The following RAB6A variants were observed in gnomAD, a reference collection of about 807,000 sequenced individuals.
The protein encoded by RAB6A is RAB6A, member RAS oncogene family.
A neutral mutation model predicts 32.3 loss-of-function variants in RAB6A; 8 were observed. The observed-to-expected ratio is 0.25, with a 90% CI of 0.15 to 0.45. The LOEUF is 0.45. RAB6A is among the 20% of genes least tolerant of loss of function. The pLI is 1.00. For missense variants in RAB6A, 104 were observed against 249.4 expected, an observed-to-expected ratio of 0.42 and a Z score of 3.93; for synonymous variants, 73 against 82.1, an observed-to-expected ratio of 0.89 and a Z score of 0.60.
In RAB6A at chr11:73,760,689, G is replaced by A. The variant is rs544385159; in HGVS notation, c.-54C>T. Reference sequence around the variant, plus strand: ...CAGCCTAGAGACCTCCCGGACCGATGCTGCTCCAGCCAGCTGACGAAAAAG... The same window carrying A: ...CAGCCTAGAGACCTCCCGGACCGATACTGCTCCAGCCAGCTGACGAAAAAG... On this transcript the variant is annotated 5_prime_UTR_variant, in exon 1 of 8. Transcript: ENST00000336083. The A allele has an allele frequency of 2.5e-6, 4 of 1,571,490 alleles. No homozygotes were observed. In the East Asian group the frequency reaches 7.0e-5, roughly 28 times the overall value.
chr11:73,693,527 C>T (rs1386672352), intron 6 of RAB6A, among the ~76,000 whole-genome samples: 1 of 149,860 alleles, frequency 6.7e-6, no homozygotes, highest in Admixed American at 6.7e-5. Flanking sequence ...GAGTTTGAGA[C>T]CAGCCTGGGC....
At chr11:73,695,573 G>T (rs547558583) in intron 6 of RAB6A, among the ~76,000 whole-genome samples, 23 of 151,860 alleles carry the variant, frequency 1.5e-4, no homozygotes, top group Non-Finnish European at 3.2e-4. Context: ...GTAGAGATGG[G>T]GTTTCACCAT....
intron 1 of RAB6A, among the ~76,000 whole-genome samples, chr11:73,743,836 A>C (rs1179988488): frequency 1.3e-5 from 2 of 152,160 alleles, no homozygotes; most frequent in Non-Finnish European, 2.9e-5. Context: ...CATAAAATTG[A>C]TATCAGATAT....
At chr11:73,731,820 C>G (rs1358011570) in intron 1 of RAB6A, among the ~76,000 whole-genome samples, 1 of 148,404 alleles carries the variant, frequency 6.7e-6, no homozygotes, top group Non-Finnish European at 1.5e-5. Flanking sequence ...CGGCTCACTG[C>G]AACCTCCGCC....
chr11:73,730,700 A>G (rs1401521730), intron 2 of RAB6A, 65 bp downstream of exon 2: 1 of 1,329,504 alleles, frequency 7.5e-7, no homozygotes, highest in East Asian at 2.3e-5. Context: ...TAATTTTTTA[A>G]AAATATCTTG....
rs1394646564 is a variant in RAB6A, at chr11:73,735,849, C to T, written c.71-5026G>A. 4.0e-5 allele frequency among the ~76,000 whole-genome samples: 6 copies of T among 150,144 alleles called. No individual in the cohort carries two copies. The East Asian group carries it at 1.2e-3, about 29-fold the overall frequency. On this transcript the variant is annotated intron_variant, in intron 1 of 7. Coordinates refer to ENST00000336083, the MANE Select transcript of RAB6A (RefSeq NM_198896.2). ...TTTGCTGCTAATATCAAACCTATCC[C>T]AACCTCAAAAGTCTATTTGAGAGAA... is the stretch of plus-strand genomic sequence containing the variant.
At position 73,741,929 on chromosome 11, in the gene RAB6A, G is replaced by A. The variant is rs141647910; in HGVS notation, c.71-11106C>T. Among the ~76,000 whole-genome samples the A allele has an allele frequency of 1.8e-4, 28 of 152,216 alleles. No individual in the cohort carries two copies. In the East Asian group the frequency reaches 5.0e-3, roughly 27 times the overall value. ...TTTCCTATATATCTCCTGCCTCCAG[G>A]AGACATATAGGGACAAGAAGGGAAT... On this transcript the variant is annotated intron_variant, in intron 1 of 7. Coordinates refer to ENST00000336083, the MANE Select transcript of RAB6A (RefSeq NM_198896.2).
At chr11:73,707,138 A>AT (rs1436743200) in intron 6 of RAB6A, among the ~76,000 whole-genome samples, 2 of 151,554 alleles carry the variant, frequency 1.3e-5, no homozygotes, top group East Asian at 3.9e-4. Context: ...AAAAAAAAAA[A>AT]AAAAGAAAAG....
intron 1 of RAB6A, among the ~76,000 whole-genome samples, chr11:73,738,389 C>T (rs1017906592): frequency 1.1e-4 from 16 of 152,118 alleles, no homozygotes; most frequent in African/African-American, 3.9e-4. Flanking sequence ...GTGGCTCTTG[C>T]CTGTAATCCC....
intron 6 of RAB6A, among the ~76,000 whole-genome samples, chr11:73,687,014 G>A (rs1428923963): frequency 6.6e-6 from 1 of 151,744 alleles, no homozygotes; most frequent in African/African-American, 2.4e-5. Context: ...ATTATACATA[G>A]TATATCCATA....
At chr11:73,733,749 G>A (rs1001428303) in intron 1 of RAB6A, among the ~76,000 whole-genome samples, 5 of 151,856 alleles carry the variant, frequency 3.3e-5, no homozygotes, top group South Asian at 2.1e-4. Context: ...TTTATATGAC[G>A]TTCAAAACTG....
At chr11:73,683,810 C>A (rs1440052335) in intron 6 of RAB6A, among the ~76,000 whole-genome samples, 1 of 152,206 alleles carries the variant, frequency 6.6e-6, no homozygotes, top group South Asian at 2.1e-4. Flanking sequence ...GCCTCAGCCT[C>A]CCAAAGTGCT....
chr11:73,721,622 G>A (rs772460305), intron 2 of RAB6A, among the ~76,000 whole-genome samples: 4 of 152,066 alleles, frequency 2.6e-5, no homozygotes, highest in Non-Finnish European at 4.4e-5. Flanking sequence ...AATTAGGGGA[G>A]ATAAATAAAA....
intron 1 of RAB6A, among the ~76,000 whole-genome samples, chr11:73,747,377 A>AT (rs1946606506): frequency 6.6e-6 from 1 of 151,166 alleles, no homozygotes; most frequent in Non-Finnish European, 1.5e-5. Context: ...TACTCTTTGC[A>AT]TTTTTAGTAG....
intron 1 of RAB6A, among the ~76,000 whole-genome samples, chr11:73,743,847 G>A (rs1946538495): frequency 6.6e-6 from 1 of 152,004 alleles, no homozygotes; most frequent in Non-Finnish European, 1.5e-5. Flanking sequence ...TATCAGATAT[G>A]GTTCTGCCTG....
chr11:73,691,442 C>G (rs1031109785), intron 6 of RAB6A, among the ~76,000 whole-genome samples: 3 of 152,176 alleles, frequency 2.0e-5, no homozygotes, highest in Non-Finnish European at 4.4e-5. Flanking sequence ...CTACCATGCC[C>G]AGCACTAAAA....
rs75464956 is a variant in RAB6A, at chr11:73,677,830, C to A, written c.*68G>T. The stretch of plus-strand genomic sequence containing the variant: ...AAGGTTCAAGCCAATATTCACACTG[C>A]AGTCAATGAAAGAGTAAGGGGGCCA... On this transcript the variant is annotated 3_prime_UTR_variant, in exon 8 of 8. Transcript: ENST00000336083. 1,685 of 1,608,672 alleles carry A rather than the reference C, an allele frequency of 1.0e-3. 29 individuals are homozygous for A. In the East Asian group the frequency reaches 0.031, roughly 30 times the overall value.
chr11:73,722,063 A>ATATATATATATATTTTTTTTTTTTTTT (rs1475291151), intron 2 of RAB6A, among the ~76,000 whole-genome samples: 1 of 146,166 alleles, frequency 6.8e-6, no homozygotes. Context: ...CATGATTGTA[A>ATATATATATATATTTTTTTTTTTTTTT]GTTTCCTGAG....
intron 1 of RAB6A, among the ~76,000 whole-genome samples, chr11:73,757,098 C>CATACATATATATAT (rs201833447): frequency 1.1e-4 from 4 of 37,670 alleles, no homozygotes; most frequent in Non-Finnish European, 1.8e-4. Flanking sequence ...AATATACATA[C>CATACATATATATAT]ATATATATAT....
Sources: allele counts gnomAD v4.1 joint callset (sites outside exome capture counted in the v4.1 genomes callset), GRCh38; gene constraint gnomAD v4.1.1; transcripts MANE v1.5; gene names NCBI Gene and HGNC (gene_info 2026-07-23, HGNC 2026-07-21).